Variants in AFAP1 observed in about 807,000 individuals in gnomAD.
The protein encoded by AFAP1 is actin filament associated protein 1.
In AFAP1, 75 loss-of-function variants were observed where a neutral mutation model predicts 93.9. The observed-to-expected ratio is 0.80, with a 90% CI of 0.66 to 0.97. The LOEUF (loss-of-function observed/expected upper bound fraction) is 0.97. AFAP1 is among the 50% of genes least tolerant of loss of function. The pLI is 0.00. For missense variants in AFAP1, 1,201 were observed against 1,050.8 expected (o/e 1.14, Z -1.98); for synonymous variants, 517 against 430.7 (o/e 1.20, Z -2.48).
chr4:7,793,496 T>C (rs991782865), intron 11 of AFAP1, among the ~76,000 whole-genome samples, 185 bp downstream of exon 11: 10 of 152,324 alleles, frequency 6.6e-5, no homozygotes, highest in East Asian at 1.9e-4. Flanking sequence ...GCTGCTCGAA[T>C]AGAAAACCCA....
At chr4:7,895,070 T>C (rs1718689317) in intron 1 of AFAP1, among the ~76,000 whole-genome samples, 1 of 152,244 alleles carries the variant, frequency 6.6e-6, no homozygotes. Flanking sequence ...CACACCCGCT[T>C]CGCAGGGCTG....
At chr4:7,801,416 A>G (rs1719016238) in intron 9 of AFAP1, among the ~76,000 whole-genome samples, 1 of 152,114 alleles carries the variant, frequency 6.6e-6, no homozygotes, top group African/African-American at 2.4e-5. Context: ...ATGACAGGAA[A>G]AATTATTATC....
intron 1 of AFAP1, among the ~76,000 whole-genome samples, chr4:7,883,794 G>A (rs1410731565): frequency 6.6e-6 from 1 of 152,190 alleles, no homozygotes; most frequent in Admixed American, 6.5e-5. Flanking sequence ...CTTAAAACTT[G>A]ATTGAAAGAT....
At position 7,810,758 on chromosome 4, in the gene AFAP1, C is replaced by T. The variant is rs141263594; in HGVS notation, c.905-995G>A. On this transcript the variant is annotated intron_variant, in intron 8 of 17. Coordinates refer to ENST00000420658, the MANE Select transcript of AFAP1 (RefSeq NM_001134647.2). ...GGACCCGCATGTGGGCAAGCAACAGCGGCAGGACCACAGAAGCAGTCTCCA... is the reference window on the plus strand; with the variant it reads ...GGACCCGCATGTGGGCAAGCAACAGTGGCAGGACCACAGAAGCAGTCTCCA... 6.9e-3 allele frequency among the ~76,000 whole-genome samples: 1,052 copies of T among 152,290 alleles called. 12 individuals are homozygous for T. The highest frequency in any genetic ancestry group is 0.024 in the African/African-American group (1,005 of 41,548).
At chr4:7,807,774 T>C (rs906570812) in intron 9 of AFAP1, among the ~76,000 whole-genome samples, 3 of 152,204 alleles carry the variant, frequency 2.0e-5, no homozygotes, top group African/African-American at 7.2e-5. Flanking sequence ...GATCACACTG[T>C]GAAAGCTGCC....
chr4:7,919,622 T>C (rs1720323644), intron 1 of AFAP1, among the ~76,000 whole-genome samples: 1 of 152,268 alleles, frequency 6.6e-6, no homozygotes, highest in South Asian at 2.1e-4. Flanking sequence ...GGATTTTTTG[T>C]TTAGTCTTTT....
intron 6 of AFAP1, among the ~76,000 whole-genome samples, chr4:7,828,461 C>T (rs1010051464): frequency 4.6e-5 from 7 of 152,166 alleles, no homozygotes; most frequent in African/African-American, 1.7e-4. Flanking sequence ...TCTCAGCCTC[C>T]CCCACAGTTT....
rs528639272 is a variant in AFAP1, at chr4:7,883,993, G to T, written c.-2-11913C>A. On this transcript the variant is annotated intron_variant, in intron 1 of 17. Transcript: ENST00000420658. The stretch of plus-strand genomic sequence containing the variant: ...ATGTAATCCCCAGTGTTGGGGATGG[G>T]GCCTGGCTGGTGGGAGGTGTTGGGT... 7.9e-5 allele frequency among the ~76,000 whole-genome samples: 12 copies of T among 152,264 alleles called. No individual in the cohort carries two copies. In the South Asian group the frequency reaches 2.5e-3, roughly 32 times the overall value.
chr4:7,763,880 G>A, intron 17 of AFAP1, 89 bp from the exon 18 acceptor site: 1 of 1,371,014 alleles, frequency 7.3e-7, no homozygotes, highest in Non-Finnish European at 1.0e-6. Flanking sequence ...ACTCAGAGGG[G>A]GTGGGTGCTC....
rs531293611 is a variant in AFAP1, at chr4:7,821,047, G to A, written c.727-1876C>T. 1.8e-4 allele frequency among the ~76,000 whole-genome samples: 27 copies of A among 152,284 alleles called. 1 individual carries two copies. The highest frequency in any genetic ancestry group is 6.5e-4 in the African/African-American group (27 of 41,538). On this transcript the variant is annotated intron_variant, in intron 6 of 17. Transcript: ENST00000420658. ...GCAGAAGAATCTCTTGAACCCAGGA[G>A]GCAGAGGTTGCGGTGAGCCGAGATC...
At chr4:7,870,132 T>C (rs1019230580) in intron 2 of AFAP1, among the ~76,000 whole-genome samples, 3 of 152,206 alleles carry the variant, frequency 2.0e-5, no homozygotes, top group Non-Finnish European at 4.4e-5. Flanking sequence ...CATTAGCCCT[T>C]TTTATACACG....
chr4:7,924,738 C>T (rs765101390), intron 1 of AFAP1, among the ~76,000 whole-genome samples: 16 of 152,246 alleles, frequency 1.1e-4, no homozygotes, highest in Non-Finnish European at 2.4e-4. Flanking sequence ...CACCAACCCC[C>T]TATCTACAGT....
intron 3 of AFAP1, among the ~76,000 whole-genome samples, chr4:7,867,133 G>C (rs112746247): frequency 1.7e-5 from 1 of 59,530 alleles, no homozygotes; most frequent in Non-Finnish European, 5.4e-5. Flanking sequence ...TAGGGGAGCG[G>C]AGGGGAGGGG....
At position 7,891,232 on chromosome 4, in the gene AFAP1, G is replaced by A. The variant is rs550509177; in HGVS notation, c.-2-19152C>T. ...TCTAGAACTGGCAAAGGAATCTGCA[G>A]GGCCAGGAAGCAGATGAGCGGTTGC... On this transcript the variant is annotated intron_variant, in intron 1 of 17. Coordinates refer to ENST00000420658, the MANE Select transcript of AFAP1 (RefSeq NM_001134647.2). 2.6e-5 allele frequency among the ~76,000 whole-genome samples: 4 copies of A among 152,386 alleles called. No individual in the cohort carries two copies. The East Asian group carries it at 7.7e-4, about 29-fold the overall frequency.
At chr4:7,863,772 T>C (rs1183257796) in intron 3 of AFAP1, among the ~76,000 whole-genome samples, 4 of 152,206 alleles carry the variant, frequency 2.6e-5, no homozygotes, top group African/African-American at 9.7e-5. Flanking sequence ...AAAGACAACC[T>C]TATTTGTTAA....
rs550009418 is a variant in AFAP1, at chr4:7,935,781, G to A, written c.-3+3875C>T. ...AATTAAGTTCCCTGTTTGGGACCCC[G>A]GCCAGGGCTAGAGAAAAGAACTCTG... On this transcript the variant is annotated intron_variant, in intron 1 of 17. Transcript: ENST00000420658. Among the ~76,000 whole-genome samples the A allele has an allele frequency of 2.1e-4, 32 of 152,248 alleles. No individual in the cohort carries two copies. In the South Asian group the frequency reaches 3.7e-3, roughly 18 times the overall value.
rs192768153 is a variant in AFAP1, at chr4:7,839,901, G to A, written c.547-1198C>T. On this transcript the variant is annotated intron_variant, in intron 5 of 17. Coordinates refer to ENST00000420658, the MANE Select transcript of AFAP1 (RefSeq NM_001134647.2). Reference sequence around the variant, plus strand: ...TTAAACTTCCTGAGTCTGTTTCCTCGTTTGCAAAATGTGTTTTGCAGTTAT... The same window carrying A: ...TTAAACTTCCTGAGTCTGTTTCCTCATTTGCAAAATGTGTTTTGCAGTTAT... Among the ~76,000 whole-genome samples, 85 of 152,144 alleles carry A rather than the reference G, an allele frequency of 5.6e-4. 1 individual carries two copies. Among genetic ancestry groups the A allele is most frequent in the African/African-American group, 8.9e-4 (37 of 41,490 alleles).
chr4:7,928,533 ACG>A (rs1392437704), intron 1 of AFAP1, among the ~76,000 whole-genome samples: 6 of 151,966 alleles, frequency 3.9e-5, no homozygotes, highest in Admixed American at 6.6e-5. Flanking sequence ...GACTACAGGC[ACG>A]CACCACCACA....
chr4:7,762,376 G>A lies in AFAP1; in HGVS notation c.*1389C>T, dbSNP rs1265501640. On this transcript the variant is annotated 3_prime_UTR_variant, in exon 18 of 18. Transcript: ENST00000420658. ...TCTGTATTCTATGCTTGGGGAAGGG[G>A]CGGTTGCTACTGGGACTGGTCTCCA... 4 of 152,378 alleles carry A rather than the reference G, an allele frequency of 2.6e-5. No individual in the cohort carries two copies. In the South Asian group the frequency reaches 8.3e-4, roughly 32 times the overall value. The allele number at this position is 152,378 out of a possible 1,614,324, so 9.4% of individuals were successfully genotyped here.
Sources: gnomAD v4.1 joint callset for allele counts (sites outside exome capture counted in the v4.1 genomes callset) on GRCh38, gnomAD v4.1.1 for gene constraint, MANE v1.5 for transcripts, NCBI Gene and HGNC (gene_info 2026-07-23, HGNC 2026-07-21) for gene names.